Variants in EPB41L2 observed in about 807,000 individuals in gnomAD.
The protein encoded by EPB41L2 is erythrocyte membrane protein band 4.1 like 2.
EPB41L2 carries 43 observed loss-of-function variants against 113.0 expected under a neutral mutation model. That is an observed-to-expected ratio of 0.38 (90% CI 0.30 to 0.49). EPB41L2 has a LOEUF of 0.49. EPB41L2 is among the 20% of genes least tolerant of loss of function. EPB41L2 has a pLI of 0.95. For synonymous variants in EPB41L2, 442 were observed against 436.7 expected, an observed-to-expected ratio of 1.01 and a Z score of -0.15; for missense variants, 1,147 against 1,223.4, an observed-to-expected ratio of 0.94 and a Z score of 0.93.
intron 19 of EPB41L2, among the ~76,000 whole-genome samples, 196 bp from the exon 20 acceptor site, chr6:130,840,794 A>G (rs1775222204): frequency 6.6e-6 from 1 of 152,206 alleles, no homozygotes; most frequent in African/African-American, 2.4e-5. Flanking sequence ...GCCTTAAAAT[A>G]CCTGGAGAAT....
At chr6:131,008,533 A>C (rs1786142714) in intron 1 of EPB41L2, among the ~76,000 whole-genome samples, 2 of 152,218 alleles carry the variant, frequency 1.3e-5, no homozygotes, top group African/African-American at 4.8e-5. Context: ...TGAAGCTGTG[A>C]GAAGACAGCC....
chr6:130,938,973 A>T (rs1031116922), intron 3 of EPB41L2, among the ~76,000 whole-genome samples: 29 of 152,176 alleles, frequency 1.9e-4, no homozygotes, highest in African/African-American at 6.5e-4. Flanking sequence ...ACACCTGGAT[A>T]TCATCATGGA....
intron 12 of EPB41L2, chr6:130,881,158 A>G (rs1357558347): frequency 6.6e-6 from 1 of 152,178 alleles, no homozygotes; most frequent in African/African-American, 2.4e-5. Context: ...ACTCAAGGGA[A>G]AAAATGGTGA....
At chr6:131,039,728 A>G (rs1352808935) in intron 1 of EPB41L2, among the ~76,000 whole-genome samples, 1 of 152,134 alleles carries the variant, frequency 6.6e-6, no homozygotes, top group African/African-American at 2.4e-5. Flanking sequence ...TTTGAAGAGG[A>G]TGGCCAAAGT....
At chr6:130,867,295 T>C (rs940702673) in intron 16 of EPB41L2, among the ~76,000 whole-genome samples, 164 bp downstream of exon 16, 1 of 152,240 alleles carries the variant, frequency 6.6e-6, no homozygotes. Flanking sequence ...TGTCTCAATC[T>C]AAGAGAACAT....
At chr6:131,001,634 A>T (rs1316735189) in intron 1 of EPB41L2, among the ~76,000 whole-genome samples, 1 of 152,180 alleles carries the variant, frequency 6.6e-6, no homozygotes, top group Non-Finnish European at 1.5e-5. Flanking sequence ...AAGAACGAAA[A>T]GTATAACCAA....
intron 1 of EPB41L2, among the ~76,000 whole-genome samples, chr6:130,980,740 A>C (rs1779218783): frequency 6.6e-6 from 1 of 152,220 alleles, no homozygotes; most frequent in South Asian, 2.1e-4. Flanking sequence ...TTAAAAAGGA[A>C]GAAAGGAATT....
chr6:130,928,258 G>C (rs1805461144), intron 3 of EPB41L2, among the ~76,000 whole-genome samples: 2 of 152,146 alleles, frequency 1.3e-5, no homozygotes, highest in South Asian at 4.1e-4. Flanking sequence ...ATACAGCATA[G>C]AGAATAAGAG....
At chr6:130,932,612 A>C (rs1562519772) in intron 3 of EPB41L2, among the ~76,000 whole-genome samples, 1 of 152,046 alleles carries the variant, frequency 6.6e-6, no homozygotes, top group Non-Finnish European at 1.5e-5. Context: ...TTCCCTATGA[A>C]GCCTGTTCCA....
intron 1 of EPB41L2, among the ~76,000 whole-genome samples, chr6:131,038,895 A>G (rs1468003586): frequency 2.0e-5 from 3 of 152,244 alleles, no homozygotes; most frequent in Middle Eastern, 3.2e-3. Context: ...TTCTGGGGAA[A>G]AAACTTACAA....
At chr6:130,931,806 T>A (rs935316849) in intron 3 of EPB41L2, among the ~76,000 whole-genome samples, 1 of 152,126 alleles carries the variant, frequency 6.6e-6, no homozygotes, top group African/African-American at 2.4e-5. Context: ...GATTCTGGTA[T>A]GTTCCATCTT....
At chr6:130,849,031 C>A (rs189566561) in intron 19 of EPB41L2, among the ~76,000 whole-genome samples, 1 of 152,272 alleles carries the variant, frequency 6.6e-6, no homozygotes, top group Admixed American at 6.5e-5. Flanking sequence ...GTAACAAAGT[C>A]ATAACCACCA....
intron 1 of EPB41L2, among the ~76,000 whole-genome samples, chr6:130,974,687 A>T (rs1415410062): frequency 7.2e-6 from 1 of 138,246 alleles, no homozygotes; most frequent in Non-Finnish European, 1.6e-5. Context: ...AGACTTTTCC[A>T]CTAAGGCAGC....
At chr6:131,027,965 T>G (rs772839046) in intron 1 of EPB41L2, among the ~76,000 whole-genome samples, 1 of 152,202 alleles carries the variant, frequency 6.6e-6, no homozygotes, top group Non-Finnish European at 1.5e-5. Flanking sequence ...CGAGATCATT[T>G]CAAAAGACCT....
At chr6:130,939,145 C>T (rs1809891951) in intron 3 of EPB41L2, among the ~76,000 whole-genome samples, 1 of 152,134 alleles carries the variant, frequency 6.6e-6, no homozygotes, top group Non-Finnish European at 1.5e-5. Context: ...ATCACCAATG[C>T]TTGGTCCAGA....
At chr6:131,009,610 C>T (rs1412657484) in intron 1 of EPB41L2, among the ~76,000 whole-genome samples, 1 of 151,896 alleles carries the variant, frequency 6.6e-6, no homozygotes, top group Non-Finnish European at 1.5e-5. Flanking sequence ...CATAATCCAA[C>T]CACAGCTATC....
intron 17 of EPB41L2, among the ~76,000 whole-genome samples, chr6:130,864,490 C>T (rs1472112760): frequency 3.3e-5 from 5 of 152,118 alleles, no homozygotes; most frequent in African/African-American, 9.7e-5. Flanking sequence ...TGCCTCACAG[C>T]GTTATGGGCT....
chr6:130,922,496 AT>A (rs1258740029), intron 4 of EPB41L2, among the ~76,000 whole-genome samples: 1 of 152,156 alleles, frequency 6.6e-6, no homozygotes, highest in Non-Finnish European at 1.5e-5. Context: ...TCTAAAATGT[AT>A]TTTTTCCTTC....
At chr6:130,893,428 C>T (rs748037905) in intron 10 of EPB41L2, among the ~76,000 whole-genome samples, 13 of 152,158 alleles carry the variant, frequency 8.5e-5, no homozygotes, top group Non-Finnish European at 1.9e-4. Flanking sequence ...TCATGCACAG[C>T]TTCTTCTTTC....
Sources: allele counts gnomAD v4.1 joint callset (sites outside exome capture counted in the v4.1 genomes callset), GRCh38; gene constraint gnomAD v4.1.1; transcripts MANE v1.5; gene names NCBI Gene and HGNC (gene_info 2026-07-23, HGNC 2026-07-21).